The following ADAM12 variants were observed in gnomAD, a reference collection of about 807,000 sequenced individuals.
ADAM12 encodes the protein ADAM metallopeptidase domain 12.
In ADAM12, 70 loss-of-function variants were observed where a neutral mutation model predicts 106.4. That is an observed-to-expected ratio of 0.66 (90% CI 0.54 to 0.80). ADAM12 has a LOEUF of 0.80. Among genes scored for constraint, ADAM12 ranks in the 30% least tolerant of loss-of-function variants. The pLI is 0.00. For synonymous variants in ADAM12, 420 were observed against 433.5 expected (o/e 0.97, Z 0.39); for missense variants, 1,010 against 1,171.9 (o/e 0.86, Z 2.02).
At chr10:126,033,831 A>G (rs920068004) in intron 21 of ADAM12, among the ~76,000 whole-genome samples, 2 of 152,240 alleles carry the variant, frequency 1.3e-5, no homozygotes, top group Non-Finnish European at 2.9e-5. Flanking sequence ...AAAGTACTGA[A>G]TGGAGAAAAC....
chr10:126,101,133 G>C lies in ADAM12; in HGVS notation c.850C>G (p.Leu284Val), dbSNP rs1333028449. The C allele has an allele frequency of 6.2e-7, 1 of 1,614,024 alleles. No individual in the cohort carries two copies. Among genetic ancestry groups the C allele is most frequent in the Non-Finnish European group, 8.5e-7 (1 of 1,179,942 alleles). The change falls in exon 9 of 23, where the codon CTG becomes GTG. Residue 284 changes from leucine to valine, a missense_variant. Coordinates refer to ENST00000448723, the MANE Select transcript of ADAM12 (RefSeq NM_001288973.2). ...AGAAGCTTCATCTTCCTCCAGTCCAGAAATTCATGGAGGCTGGTGAATGGG... is the reference window on the plus strand; with the variant it reads ...AGAAGCTTCATCTTCCTCCAGTCCACAAATTCATGGAGGCTGGTGAATGGG... The part of the protein sequence containing the change: ...QDPFTSLHEF[L>V]DWRKMKLLPR...
intron 3 of ADAM12, among the ~76,000 whole-genome samples, chr10:126,172,360 A>T (rs140946704): frequency 0.013 from 1,943 of 152,328 alleles, 31 homozygotes; most frequent in African/African-American, 0.039. Flanking sequence ...AGGAATCATT[A>T]CTAATTTTCT....
At chr10:126,088,387 C>T (rs1190552331) in intron 11 of ADAM12, among the ~76,000 whole-genome samples, 2 of 152,086 alleles carry the variant, frequency 1.3e-5, no homozygotes, top group East Asian at 1.9e-4. Context: ...GGCAGGGCTG[C>T]TGTCTTCTCT....
intron 2 of ADAM12, among the ~76,000 whole-genome samples, chr10:126,296,695 T>C (rs926756186): frequency 1.2e-4 from 19 of 152,218 alleles, no homozygotes; most frequent in African/African-American, 4.6e-4. Flanking sequence ...CATGTTTCCA[T>C]TTCTGTACCT....
At chr10:126,333,798 C>T (rs756303488) in intron 1 of ADAM12, among the ~76,000 whole-genome samples, 2 of 152,188 alleles carry the variant, frequency 1.3e-5, no homozygotes, top group African/African-American at 2.4e-5. Flanking sequence ...CCAAAAGGAG[C>T]CCTTTTTGGC....
intron 2 of ADAM12, among the ~76,000 whole-genome samples, chr10:126,293,838 C>T (rs1278287116): frequency 6.6e-6 from 1 of 152,120 alleles, no homozygotes. Flanking sequence ...TCCACAAGGC[C>T]CCTTCAGATG....
intron 4 of ADAM12, among the ~76,000 whole-genome samples, chr10:126,140,488 T>C (rs931016546): frequency 1.3e-5 from 2 of 152,174 alleles, no homozygotes; most frequent in Admixed American, 6.5e-5. Flanking sequence ...ATTTCAGCTC[T>C]CATAAACTGT....
intron 11 of ADAM12, among the ~76,000 whole-genome samples, chr10:126,083,919 A>G (rs1955285236): frequency 6.6e-6 from 1 of 152,218 alleles, no homozygotes. Context: ...AGAAACAGAA[A>G]GTGACTGCCT....
intron 1 of ADAM12, among the ~76,000 whole-genome samples, chr10:126,350,772 G>C (rs1855323142): frequency 6.6e-6 from 1 of 152,210 alleles, no homozygotes; most frequent in Non-Finnish European, 1.5e-5. Context: ...GGGATAGGGT[G>C]AGTGGGAAGT....
At chr10:126,109,065 C>T (rs955489201) in intron 7 of ADAM12, among the ~76,000 whole-genome samples, 1 of 152,200 alleles carries the variant, frequency 6.6e-6, no homozygotes, top group Non-Finnish European at 1.5e-5. Flanking sequence ...CATAGAAGCT[C>T]ATGGCAGCTT....
intron 3 of ADAM12, among the ~76,000 whole-genome samples, chr10:126,246,267 T>G (rs867727970): frequency 6.6e-6 from 1 of 152,296 alleles, no homozygotes; most frequent in African/African-American, 2.4e-5. Context: ...GGATGTAAAG[T>G]TATGAGTAAT....
intron 14 of ADAM12, among the ~76,000 whole-genome samples, chr10:126,050,268 C>T (rs1401993993): frequency 1.1e-4 from 16 of 152,188 alleles, no homozygotes; most frequent in Admixed American, 1.0e-3. Flanking sequence ...TCCCTATGTA[C>T]AACATGACGG....
intron 2 of ADAM12, among the ~76,000 whole-genome samples, chr10:126,312,335 C>T (rs1163204798): frequency 6.6e-6 from 1 of 152,170 alleles, no homozygotes; most frequent in Non-Finnish European, 1.5e-5. Context: ...CCTGCTCCTT[C>T]CCTCTCCAAC....
chr10:126,122,876 C>T (rs751907759), intron 5 of ADAM12, among the ~76,000 whole-genome samples: 1 of 152,210 alleles, frequency 6.6e-6, no homozygotes, highest in Non-Finnish European at 1.5e-5. Context: ...TTCTATTTTA[C>T]ATCGGATCTA....
chr10:126,062,937 C>T (rs1207135392), intron 14 of ADAM12, among the ~76,000 whole-genome samples: 1 of 152,208 alleles, frequency 6.6e-6, no homozygotes, highest in Admixed American at 6.5e-5. Context: ...CCAAAGTGAC[C>T]TCAGTTGGCT....
chr10:126,163,778 C>T (rs1426333398), intron 3 of ADAM12, among the ~76,000 whole-genome samples: 2 of 152,186 alleles, frequency 1.3e-5, no homozygotes, highest in Non-Finnish European at 2.9e-5. Flanking sequence ...GTCTTCCTCC[C>T]ACACTGGGTT....
chr10:126,278,279 G>A (rs761180628), intron 3 of ADAM12, among the ~76,000 whole-genome samples: 66 of 152,286 alleles, frequency 4.3e-4, no homozygotes, highest in Admixed American at 7.8e-4. Flanking sequence ...GGGATAGCCA[G>A]GGTGCAAAGA....
At chr10:126,196,324 A>T (rs1337503464) in intron 3 of ADAM12, among the ~76,000 whole-genome samples, 1 of 152,246 alleles carries the variant, frequency 6.6e-6, no homozygotes, top group African/African-American at 2.4e-5. Context: ...CTGGAAGAAC[A>T]TGAGCCGGTT....
intron 3 of ADAM12, among the ~76,000 whole-genome samples, chr10:126,156,928 A>G (rs764501672): frequency 1.3e-5 from 2 of 152,178 alleles, no homozygotes; most frequent in Admixed American, 6.5e-5. Flanking sequence ...GAGTTGCTTT[A>G]AATACTGAAC....
Sources: gnomAD v4.1 joint callset for allele counts (sites outside exome capture counted in the v4.1 genomes callset) on GRCh38, gnomAD v4.1.1 for gene constraint, MANE v1.5 for transcripts, NCBI Gene and HGNC (gene_info 2026-07-23, HGNC 2026-07-21) for gene names.